Variants in MLLT3 observed in about 807,000 individuals in gnomAD.
MLLT3 encodes protein AF-9.
A neutral mutation model predicts 53.2 loss-of-function variants in MLLT3; 4 were observed. The observed-to-expected ratio is 0.08, with a 90% confidence interval of 0.04 to 0.17. The LOEUF is 0.17. Among genes scored for constraint, MLLT3 ranks in the 10% least tolerant of loss-of-function variants. The probability of loss-of-function intolerance (pLI) is 1.00; values close to 1 mark genes in which losing one functional copy is unlikely to be tolerated. For missense variants in MLLT3, 569 were observed against 684.0 expected (o/e 0.83, Z 1.87); for synonymous variants, 283 against 230.6 (o/e 1.23, Z -2.06).
At chr9:20,543,601 C>T (rs188099791) in intron 2 of MLLT3, among the ~76,000 whole-genome samples, 6 of 151,574 alleles carry the variant, frequency 4.0e-5, no homozygotes, top group Admixed American at 1.3e-4. Context: ...ATGATCGTGC[C>T]GGTATACTCC....
rs1456026805 is a variant in MLLT3, at chr9:20,620,936, A to G, written c.13-102T>C. On this transcript the variant is annotated intron_variant, in intron 1 of 10. Transcript: ENST00000380338. This position sits in a 1 kb window ranked among gnomAD's most constrained non-coding sequence, Gnocchi z 6.1. ...TTTTTTCCTCCTTCTTGAAACGCAC[A>G]TAAAAGGAAACGGCGGTGCCCTCTG... 1 of 1,326,900 alleles carries G rather than the reference A, an allele frequency of 7.5e-7. No individual in the cohort carries two copies. The highest frequency in any genetic ancestry group is 1.1e-6 in the Non-Finnish European group (1 of 938,684). The allele number at this position is 1,326,900 out of a possible 1,614,324, so 82.2% of individuals were successfully genotyped here.
In MLLT3 at chr9:20,438,591, T is replaced by TTTTATTTTAC. The variant is rs199635138; in HGVS notation, c.420+9522_420+9531dup. On this transcript the variant is annotated intron_variant, in intron 4 of 10. Transcript: ENST00000380338. ...TTGTCACTACACCAAGCTAATTTTATTTTATTTTACTTTATTTTATTTTTT... is the reference window on the plus strand; with the variant it reads ...TTGTCACTACACCAAGCTAATTTTATTTTATTTTACTTTATTTTACTTTATTTTATTTTTT... Among the ~76,000 whole-genome samples the TTTTATTTTAC allele has an allele frequency of 5.6e-3, 850 of 152,200 alleles. 8 individuals carry two copies. Among genetic ancestry groups the TTTTATTTTAC allele is most frequent in the African/African-American group, 0.02 (822 of 41,528 alleles).
At position 20,522,119 on chromosome 9, in the gene MLLT3, CA is replaced by C. The variant is rs1160825203; in HGVS notation, c.194-65334del. ...TAGAGCCCAGAAACAAGTTTTGATA[CA>C]AAAAAAAAATTATTTAAAGAAAGAT... On this transcript the variant is annotated intron_variant, in intron 2 of 10. Transcript: ENST00000380338. Among the ~76,000 whole-genome samples the C allele has an allele frequency of 4.9e-3, 684 of 139,510 alleles. 3 individuals carry two copies. Among genetic ancestry groups the C allele is most frequent in the African/African-American group, 0.016 (591 of 38,006 alleles). The allele number at this position is 139,510 out of a possible 152,430, so 91.5% of individuals were successfully genotyped here. A position where few individuals can be genotyped will look rare whatever the true frequency, so the allele number is the denominator to read the frequency against.
chr9:20,509,211 T>C (rs1486169776), intron 2 of MLLT3, among the ~76,000 whole-genome samples: 3 of 152,198 alleles, frequency 2.0e-5, no homozygotes, highest in African/African-American at 7.2e-5. Context: ...ACCCAGAACA[T>C]CTGGTAGCAC....
At chr9:20,450,894 G>A (rs1823824177) in intron 3 of MLLT3, among the ~76,000 whole-genome samples, 1 of 152,198 alleles carries the variant, frequency 6.6e-6, no homozygotes, top group African/African-American at 2.4e-5. Context: ...AACTGGTAAA[G>A]CCTTTTTGGT....
chr9:20,422,763 C>A (rs2118796472), intron 4 of MLLT3, among the ~76,000 whole-genome samples: 1 of 152,188 alleles, frequency 6.6e-6, no homozygotes, highest in South Asian at 2.1e-4. Flanking sequence ...AAGAAACCCA[C>A]CTGAAAACTT....
chr9:20,571,683 A>T (rs946407018), intron 2 of MLLT3, among the ~76,000 whole-genome samples: 11 of 152,204 alleles, frequency 7.2e-5, no homozygotes, highest in Non-Finnish European at 1.3e-4. Flanking sequence ...GAGTGAGAAC[A>T]TGCAGAAAAC....
chr9:20,597,912 G>C lies in MLLT3; in HGVS notation c.193+22742C>G, dbSNP rs12001420. ...TTCTTTAAACTTAGATATCTGCTTAGTGTTCCAAAGCACCATTTAAAATCA... is the reference window on the plus strand; with the variant it reads ...TTCTTTAAACTTAGATATCTGCTTACTGTTCCAAAGCACCATTTAAAATCA... On this transcript the variant is annotated intron_variant, in intron 2 of 10. Coordinates refer to ENST00000380338, the MANE Select transcript of MLLT3 (RefSeq NM_004529.4). Among the ~76,000 whole-genome samples the C allele has an allele frequency of 5.8e-3, 880 of 152,216 alleles. 12 individuals carry two copies. Among genetic ancestry groups the C allele is most frequent in the African/African-American group, 0.021 (854 of 41,534 alleles).
chr9:20,375,781 T>C (rs534291999), intron 5 of MLLT3, among the ~76,000 whole-genome samples: 9 of 151,878 alleles, frequency 5.9e-5, no homozygotes, highest in Non-Finnish European at 1.2e-4. Flanking sequence ...GCTAGGTTTT[T>C]GTATTTTTAG....
chr9:20,597,479 T>A (rs1226863914), intron 2 of MLLT3, among the ~76,000 whole-genome samples: 1 of 152,178 alleles, frequency 6.6e-6, no homozygotes, highest in Non-Finnish European at 1.5e-5. Flanking sequence ...CTGAATAAGA[T>A]TTCCTTTACA....
At chr9:20,610,571 G>C (rs761403161) in intron 2 of MLLT3, among the ~76,000 whole-genome samples, 18 of 152,022 alleles carry the variant, frequency 1.2e-4, no homozygotes, top group Non-Finnish European at 2.6e-4. Flanking sequence ...TTTCTGACTT[G>C]CAATACCTGC....
intron 2 of MLLT3, among the ~76,000 whole-genome samples, chr9:20,464,470 G>C (rs1182980290): frequency 6.6e-6 from 1 of 152,026 alleles, no homozygotes; most frequent in Non-Finnish European, 1.5e-5. Context: ...AGGAAGTGGA[G>C]AGAAAGACAA....
intron 5 of MLLT3, among the ~76,000 whole-genome samples, chr9:20,401,776 G>A (rs1822463040): frequency 6.6e-6 from 1 of 152,154 alleles, no homozygotes; most frequent in Admixed American, 6.6e-5. Context: ...GAAGGCTGGG[G>A]AAACTTTTTT....
chr9:20,595,907 T>A (rs1025461399), intron 2 of MLLT3, among the ~76,000 whole-genome samples: 2 of 152,212 alleles, frequency 1.3e-5, no homozygotes, highest in African/African-American at 4.8e-5. Flanking sequence ...CGGCAGCCAC[T>A]AGCTACCCAT....
chr9:20,602,761 TACACACACACAC>T (rs3086486), intron 2 of MLLT3, among the ~76,000 whole-genome samples: 14 of 147,302 alleles, frequency 9.5e-5, no homozygotes, highest in East Asian at 4.0e-4. Context: ...TTAAGTTTGA[TACACACACACAC>T]ACACACACAC....
chr9:20,552,718 A>G (rs1490166668), intron 2 of MLLT3, among the ~76,000 whole-genome samples: 2 of 152,182 alleles, frequency 1.3e-5, no homozygotes, highest in Admixed American at 6.5e-5. Flanking sequence ...TGATAACAAT[A>G]TAACTGTTAT....
At chr9:20,443,590 T>A (rs1823608270) in intron 4 of MLLT3, among the ~76,000 whole-genome samples, 3 of 152,222 alleles carry the variant, frequency 2.0e-5, no homozygotes, top group Non-Finnish European at 4.4e-5. Flanking sequence ...AACACAGATC[T>A]ATCAATGCGC....
intron 5 of MLLT3, among the ~76,000 whole-genome samples, chr9:20,369,044 T>C (rs1292252480): frequency 2.6e-5 from 4 of 152,134 alleles, no homozygotes; most frequent in Non-Finnish European, 5.9e-5. Flanking sequence ...ACCCAGGAGT[T>C]ACAGATTCAG....
At chr9:20,498,186 C>T (rs1360875612) in intron 2 of MLLT3, among the ~76,000 whole-genome samples, 1 of 131,672 alleles carries the variant, frequency 7.6e-6, no homozygotes, top group Non-Finnish European at 1.5e-5. Flanking sequence ...AGAGATGGCG[C>T]CACTGTACTC....
Sources: gnomAD v4.1 joint callset for allele counts (sites outside exome capture counted in the v4.1 genomes callset) on GRCh38, gnomAD v4.1.1 for gene constraint, Gnocchi (gnomAD v3.1) non-coding constraint, MANE v1.5 for transcripts, NCBI Gene and HGNC (gene_info 2026-07-23, HGNC 2026-07-21) for gene names.